HEPACAM2: variants seen among roughly 807,000 people sequenced by gnomAD.
HEPACAM2 encodes mitotic kinetics regulator.
A neutral mutation model predicts 49.6 loss-of-function variants in HEPACAM2; 49 were observed. That is an observed-to-expected ratio of 0.99 (90% confidence interval 0.78 to 1.25). The LOEUF (loss-of-function observed/expected upper bound fraction) is 1.25, where lower values mean the gene tolerates loss of function less well. Among genes scored for constraint, HEPACAM2 ranks in the 50% most tolerant of loss-of-function variants. The probability of loss-of-function intolerance (pLI) is 0.00; values close to 1 mark genes in which losing one functional copy is unlikely to be tolerated. For missense variants in HEPACAM2, 525 were observed against 557.2 expected (o/e 0.94, Z 0.58); for synonymous variants, 197 against 202.9 (o/e 0.97, Z 0.25).
chr7:93,211,448 T>C (rs1314270761), intron 3 of HEPACAM2, among the ~76,000 whole-genome samples: 1 of 152,018 alleles, frequency 6.6e-6, no homozygotes, highest in Non-Finnish European at 1.5e-5. Context: ...TTTAGAACAG[T>C]GTGCTGTCAA....
At chr7:93,218,432 G>A (rs568794565) in intron 2 of HEPACAM2, among the ~76,000 whole-genome samples, 2 of 152,188 alleles carry the variant, frequency 1.3e-5, no homozygotes, top group East Asian at 1.9e-4. Flanking sequence ...TGTGGGATGT[G>A]AGAAAAAGAG....
At chr7:93,193,321 T>C (rs1229127199) in intron 8 of HEPACAM2, among the ~76,000 whole-genome samples, 1 of 152,146 alleles carries the variant, frequency 6.6e-6, no homozygotes, top group East Asian at 1.9e-4. Context: ...ATTTCTTCTG[T>C]CATTTTTGTG....
upstream of HEPACAM2, among the ~76,000 whole-genome samples, chr7:93,228,956 A>G (rs926230948): frequency 2.0e-5 from 3 of 152,044 alleles, no homozygotes; most frequent in African/African-American, 7.2e-5. Context: ...ACAGTTTACA[A>G]TCTAGTTTAT....
intron 1 of HEPACAM2, among the ~76,000 whole-genome samples, chr7:93,224,579 A>G (rs1398185907): frequency 6.6e-6 from 1 of 152,176 alleles, no homozygotes. Context: ...TGACAATAGC[A>G]CTATAAAAAA....
intron 2 of HEPACAM2, among the ~76,000 whole-genome samples, chr7:93,217,007 G>GAA: frequency 6.6e-6 from 1 of 152,248 alleles, no homozygotes; most frequent in African/African-American, 2.4e-5. Flanking sequence ...GTAACTTATG[G>GAA]GGGAGTCGAG....
At position 93,219,298 on chromosome 7, in the gene HEPACAM2, T is replaced by C. The variant is rs774470334; in HGVS notation, c.233A>G (p.Lys78Arg). 7.4e-6 allele frequency: 12 copies of C among 1,613,956 alleles called. No individual in the cohort carries two copies. The highest frequency in any genetic ancestry group is 1.0e-5 in the Non-Finnish European group (12 of 1,179,930). The change falls in exon 2 of 10, where the codon AAA becomes AGA. Residue 78 changes from lysine to arginine, a missense_variant. By Grantham distance (26) the Lys-to-Arg change is conservative. Transcript: ENST00000394468. ...CTTATTCACAGAGCCCAGTAAGTAT[T>C]TGGGCATTGTGTGGGGTCTCTCAAA... ...WLFERPHTMP[K>R]YLLGSVNKSV...
chr7:93,203,351 C>T lies in HEPACAM2; in HGVS notation c.1012+5229G>A, dbSNP rs933881028. Among the ~76,000 whole-genome samples the T allele has an allele frequency of 2.0e-5, 3 of 152,198 alleles. No homozygotes were observed. The South Asian group carries it at 6.2e-4, about 32-fold the overall frequency. On this transcript the variant is annotated intron_variant, in intron 4 of 9. Coordinates refer to ENST00000394468, the MANE Select transcript of HEPACAM2 (RefSeq NM_001039372.4). ...GTGCCAAATATGTAAAGGATCAAAT[C>T]AAGGGGCACAGTTGTTGTGGTCTCA...
At chr7:93,211,533 C>G (rs1794177687) in intron 3 of HEPACAM2, among the ~76,000 whole-genome samples, 1 of 152,030 alleles carries the variant, frequency 6.6e-6, no homozygotes, top group Non-Finnish European at 1.5e-5. Context: ...TTTGCTCACT[C>G]AACCGAAATC....
chr7:93,219,168 G>T lies in HEPACAM2; in HGVS notation c.363C>A (p.Ile121=), dbSNP rs760784333. The change falls in exon 2 of 10, where the codon ATC becomes ATA. Residue 121 remains isoleucine, a synonymous_variant. Coordinates refer to ENST00000394468, the MANE Select transcript of HEPACAM2 (RefSeq NM_001039372.4). ...PLQFPDEGNY[I]VKVNIQGNGT... ...CATTTCCCTGAATGTTGACCTTCAC[G>T]ATGTAATTGCCTTCATCAGGGAACT... is the stretch of plus-strand genomic sequence containing the variant. 7 of 1,613,800 alleles carry T rather than the reference G, an allele frequency of 4.3e-6. No individual in the cohort carries two copies. The highest frequency in any genetic ancestry group is 1.3e-5 in the African/African-American group (1 of 74,894).
chr7:93,205,700 A>C (rs973655418), intron 4 of HEPACAM2: 5 of 152,160 alleles, frequency 3.3e-5, no homozygotes, highest in African/African-American at 1.2e-4. Context: ...ATGTATACTT[A>C]ATCTGTCCTG....
At chr7:93,216,760 A>G (rs913907770) in intron 2 of HEPACAM2, among the ~76,000 whole-genome samples, 1 of 152,222 alleles carries the variant, frequency 6.6e-6, no homozygotes, top group African/African-American at 2.4e-5. Context: ...GTATGACTAC[A>G]TGACACAGAG....
At chr7:93,211,511 C>A (rs1365578218) in intron 3 of HEPACAM2, among the ~76,000 whole-genome samples, 1 of 151,980 alleles carries the variant, frequency 6.6e-6, no homozygotes, top group Non-Finnish European at 1.5e-5. Context: ...GTAATGGGAA[C>A]AAAAATTTGT....
chr7:93,196,050 G>T, intron 7 of HEPACAM2, 149 bp from the exon 8 acceptor site: 2 of 605,278 alleles, frequency 3.3e-6, no homozygotes, highest in Non-Finnish European at 2.9e-6. Context: ...TAGTCGTATT[G>T]CCATTAAGCA....
At chr7:93,224,629 ATTTATC>A (rs1442743273) in intron 1 of HEPACAM2, among the ~76,000 whole-genome samples, 1 of 152,166 alleles carries the variant, frequency 6.6e-6, no homozygotes, top group Non-Finnish European at 1.5e-5. Flanking sequence ...CTACTGTAGA[ATTTATC>A]TATATTCCAG....
In HEPACAM2 at chr7:93,208,725, A is replaced by C; in HGVS notation, c.867T>G (p.Thr289=). 1 of 1,613,220 alleles carries C rather than the reference A, an allele frequency of 6.2e-7. No homozygotes were observed. Among genetic ancestry groups the C allele is most frequent in the Non-Finnish European group, 8.5e-7 (1 of 1,179,470 alleles). ...TYSWIRRTDN[T]TYIIKHGPRL... Reference sequence around the variant, plus strand: ...GAGGCCCATGCTTAATGATATATGTAGTATTGTCAGTCCTCCTAATCCAGG... The same window carrying C: ...GAGGCCCATGCTTAATGATATATGTCGTATTGTCAGTCCTCCTAATCCAGG... The change falls in exon 4 of 10, where the codon ACT becomes ACG. Residue 289 remains threonine, a synonymous_variant. Coordinates refer to ENST00000394468, the MANE Select transcript of HEPACAM2 (RefSeq NM_001039372.4).
intron 9 of HEPACAM2, among the ~76,000 whole-genome samples, chr7:93,189,975 T>C (rs2116616408): frequency 6.6e-6 from 1 of 152,142 alleles, no homozygotes; most frequent in Admixed American, 6.6e-5. Context: ...TCTCTGCATC[T>C]ATAGGTGGCA....
chr7:93,220,328 C>A (rs2116720709), intron 1 of HEPACAM2, among the ~76,000 whole-genome samples: 1 of 152,188 alleles, frequency 6.6e-6, no homozygotes, highest in East Asian at 1.9e-4. Flanking sequence ...ATGTAATAGG[C>A]CAGAGACAAC....
At chr7:93,201,952 C>T (rs926326298) in intron 4 of HEPACAM2, among the ~76,000 whole-genome samples, 6 of 145,284 alleles carry the variant, frequency 4.1e-5, no homozygotes, top group African/African-American at 1.5e-4. Flanking sequence ...ACCCATACTT[C>T]ACTGCGGTTG....
chr7:93,231,518 A>T, the HEPACAM2 span, among the ~76,000 whole-genome samples: 4 of 152,372 alleles, frequency 2.6e-5, no homozygotes, highest in East Asian at 7.7e-4. Flanking sequence ...AGCTATTAGC[A>T]GTTCCTGACA....
Sources: gnomAD v4.1 joint callset for allele counts (sites outside exome capture counted in the v4.1 genomes callset) on GRCh38, gnomAD v4.1.1 for gene constraint, MANE v1.5 for transcripts, NCBI Gene and HGNC (gene_info 2026-07-23, HGNC 2026-07-21) for gene names.